The following LRMDA variants were observed in gnomAD, a reference collection of about 807,000 sequenced individuals.
LRMDA encodes the protein leucine-rich melanocyte differentiation-associated protein.
Under a neutral mutation model 29.8 loss-of-function variants are expected in LRMDA, and 18 were observed. The observed-to-expected ratio is 0.60, with a 90% CI of 0.42 to 0.90. The LOEUF (loss-of-function observed/expected upper bound fraction) is 0.90. LRMDA is among the 40% of genes least tolerant of loss of function. The probability of loss-of-function intolerance (pLI) is 0.00; values close to 1 mark genes in which losing one functional copy is unlikely to be tolerated. For missense variants in LRMDA, 273 were observed against 273.9 expected (o/e 1.00, Z 0.02); for synonymous variants, 125 against 109.4 (o/e 1.14, Z -0.89).
chr10:75,467,965 C>T (rs895713451), intron 2 of LRMDA, among the ~76,000 whole-genome samples: 1 of 149,670 alleles, frequency 6.7e-6, no homozygotes, highest in East Asian at 2.0e-4. Flanking sequence ...GTCACACACA[C>T]ACACACACAC....
At chr10:75,567,900 T>C (rs1840392862) in intron 2 of LRMDA, among the ~76,000 whole-genome samples, 1 of 152,228 alleles carries the variant, frequency 6.6e-6, no homozygotes. Flanking sequence ...GGGTGATGTA[T>C]GAGAAAACAT....
intron 2 of LRMDA, among the ~76,000 whole-genome samples, chr10:75,987,594 T>C (rs2132455867): frequency 6.6e-6 from 1 of 152,348 alleles, no homozygotes; most frequent in South Asian, 2.1e-4. Context: ...TGGGCTGGAC[T>C]GCCACTGGCT....
rs1842889513 is a variant in LRMDA at position 76,498,169 on chromosome 10, G to T, written c.602-59040G>T. 2.7e-5 allele frequency among the ~76,000 whole-genome samples: 2 copies of T among 75,390 alleles called. 1 individual carries two copies. 49.5% of individuals were successfully genotyped at this position (75,390 alleles called of 152,430 possible). ...TAAGTTTTGATTGTGACACTGCAGG[G>T]CTAACTCCACCTGTGCTAAGCATTC... On this transcript the variant is annotated intron_variant, in intron 6 of 6. Transcript: ENST00000611255.
chr10:76,194,468 A>G lies in LRMDA; in HGVS notation c.517-129933A>G, dbSNP rs187067771. On this transcript the variant is annotated intron_variant, in intron 5 of 6. Transcript: ENST00000611255. ...AGAGAAAGGAATGAAGAGTAGAAAA[A>G]TGAACATAATAGAATTATGAGCTTG... Among the ~76,000 whole-genome samples, 77 of 152,328 alleles carry G rather than the reference A, an allele frequency of 5.1e-4. 1 individual carries two copies. The highest frequency in any genetic ancestry group is 1.6e-3 in the African/African-American group (65 of 41,580).
At chr10:76,437,473 A>G (rs1842257251) in intron 6 of LRMDA, 1 of 152,186 alleles carries the variant, frequency 6.6e-6, no homozygotes, top group African/African-American at 2.4e-5. Context: ...CCCCCTAGGA[A>G]ATGTTTATTG....
At chr10:76,176,183 G>C (rs954394686) in intron 5 of LRMDA, among the ~76,000 whole-genome samples, 1 of 152,136 alleles carries the variant, frequency 6.6e-6, no homozygotes, top group African/African-American at 2.4e-5. Context: ...AGGTGTATGG[G>C]CTTCTTCTAA....
chr10:76,542,951 C>A (rs1032200571), intron 6 of LRMDA, among the ~76,000 whole-genome samples: 23 of 152,132 alleles, frequency 1.5e-4, no homozygotes, highest in Admixed American at 7.9e-4. Flanking sequence ...CCAGACTGTG[C>A]TTAACCCTCT....
intron 4 of LRMDA, among the ~76,000 whole-genome samples, chr10:76,053,153 A>G (rs1269044780): frequency 6.6e-6 from 1 of 152,088 alleles, no homozygotes; most frequent in Non-Finnish European, 1.5e-5. Flanking sequence ...TGCAAACCCT[A>G]TTCCCGATAG....
chr10:76,557,076 C>T, intron 6 of LRMDA, 133 bp from the exon 7 acceptor site: 4 of 694,214 alleles, frequency 5.8e-6, no homozygotes, highest in Non-Finnish European at 1.0e-5. Context: ...AGAGTTCTTC[C>T]CTTCTGGAGC....
chr10:75,506,511 A>G (rs1052456707), intron 2 of LRMDA, among the ~76,000 whole-genome samples: 1 of 152,108 alleles, frequency 6.6e-6, no homozygotes, highest in African/African-American at 2.4e-5. Flanking sequence ...ATAGCAGATC[A>G]GTGAGATGTG....
chr10:75,803,102 G>A (rs1843787440), intron 2 of LRMDA, among the ~76,000 whole-genome samples: 1 of 151,956 alleles, frequency 6.6e-6, no homozygotes, highest in African/African-American at 2.4e-5. Context: ...TTGACGTGCA[G>A]AGCCTCCTGG....
chr10:76,413,054 G>T (rs1317013806), intron 6 of LRMDA, among the ~76,000 whole-genome samples: 1 of 152,082 alleles, frequency 6.6e-6, no homozygotes, highest in East Asian at 1.9e-4. Context: ...AGAACCCTCT[G>T]TCTCTGAGCT....
chr10:75,925,369 C>A (rs1564608706), intron 2 of LRMDA, among the ~76,000 whole-genome samples: 1 of 152,144 alleles, frequency 6.6e-6, no homozygotes, highest in African/African-American at 2.4e-5. Context: ...AGACATACCA[C>A]ATGTTTACCA....
intron 2 of LRMDA, among the ~76,000 whole-genome samples, chr10:75,678,823 T>C (rs1841991192): frequency 6.6e-6 from 1 of 152,158 alleles, no homozygotes; most frequent in African/African-American, 2.4e-5. Context: ...GTCAAATTTG[T>C]CTCTCATTTC....
intron 2 of LRMDA, chr10:75,782,659 A>AGTCCTC: frequency 9.9e-7 from 1 of 1,010,670 alleles, no homozygotes; most frequent in Non-Finnish European, 1.2e-6. Context: ...TTTGACTTCT[A>AGTCCTC]GTCCTCGCTG....
At chr10:76,473,743 A>G in intron 6 of LRMDA, among the ~76,000 whole-genome samples, 1 of 151,864 alleles carries the variant, frequency 6.6e-6, no homozygotes, top group African/African-American at 2.4e-5. Context: ...TTCCATTTAT[A>G]ATAGCATCAA....
intron 2 of LRMDA, among the ~76,000 whole-genome samples, chr10:75,949,403 TA>T (rs1846534545): frequency 1.3e-5 from 2 of 152,184 alleles, no homozygotes; most frequent in Non-Finnish European, 2.9e-5. Flanking sequence ...GTAAAAGTCT[TA>T]AAATGTTGGA....
At chr10:76,036,271 T>G (rs1247342462) in intron 3 of LRMDA, 137 bp downstream of exon 3, 3 of 896,332 alleles carry the variant, frequency 3.3e-6, no homozygotes, top group Admixed American at 2.8e-5. Context: ...GAAATACAGT[T>G]CGTGGGCAGA....
chr10:76,419,692 C>A (rs996846750), intron 6 of LRMDA, among the ~76,000 whole-genome samples: 12 of 152,028 alleles, frequency 7.9e-5, no homozygotes, highest in Non-Finnish European at 1.3e-4. Flanking sequence ...AGTTATTGAG[C>A]ATTCCTTACT....
Sources: allele counts gnomAD v4.1 joint callset (sites outside exome capture counted in the v4.1 genomes callset), GRCh38; gene constraint gnomAD v4.1.1; transcripts MANE v1.5; gene names NCBI Gene and HGNC (gene_info 2026-07-23, HGNC 2026-07-21).